LRP6: variants seen among roughly 807,000 people sequenced by gnomAD.
The protein encoded by LRP6 is LDL receptor related protein 6, also known as low-density lipoprotein receptor-related protein 6.
In LRP6, 43 loss-of-function variants were observed where a neutral mutation model predicts 184.1. The observed-to-expected ratio is 0.23, with a 90% CI of 0.18 to 0.30. The LOEUF is 0.30. LRP6 is among the 10% of genes least tolerant of loss of function. The pLI is 1.00. For missense variants in LRP6, 1,571 were observed against 2,005.3 expected (o/e 0.78, Z 4.14); for synonymous variants, 719 against 684.9 (o/e 1.05, Z -0.78).
intron 15 of LRP6, among the ~76,000 whole-genome samples, chr12:12,142,756 A>G (rs1223291128): frequency 2.0e-5 from 3 of 152,190 alleles, no homozygotes; most frequent in Non-Finnish European, 4.4e-5. Context: ...AAAAAAAAGA[A>G]TAATATATCA....
rs911816224 is a variant in LRP6 at position 12,135,391 on chromosome 12, A to T, written c.3608-91T>A. 4.1e-5 allele frequency: 33 copies of T among 799,742 alleles called. No homozygotes were observed. The South Asian group carries it at 5.0e-4, about 12-fold the overall frequency. 49.5% of individuals were successfully genotyped at this position (799,742 alleles called of 1,614,324 possible). On this transcript the variant is annotated intron_variant, in intron 16 of 22. Transcript: ENST00000261349. ...AGAGAAAAAGGGACAACCCTGTCAA[A>T]ACTATTTATGAAAATCAAATGTATA...
intron 1 of LRP6, among the ~76,000 whole-genome samples, chr12:12,265,987 C>T (rs1865746528): frequency 6.6e-6 from 1 of 152,186 alleles, no homozygotes; most frequent in Non-Finnish European, 1.5e-5. Context: ...CTACTTAGTG[C>T]CAACTGTACA....
intron 17 of LRP6, among the ~76,000 whole-genome samples, chr12:12,134,736 C>T (rs1373085268): frequency 6.6e-6 from 1 of 151,956 alleles, no homozygotes; most frequent in Non-Finnish European, 1.5e-5. Context: ...CATTTTTTTA[C>T]CTTTTGGGAG....
chr12:12,248,398 T>G (rs1865240552), intron 1 of LRP6, among the ~76,000 whole-genome samples: 1 of 151,128 alleles, frequency 6.6e-6, no homozygotes, highest in Non-Finnish European at 1.5e-5. Flanking sequence ...TAACTTCCTA[T>G]CCATCACTCA....
chr12:12,240,530 C>T (rs568209566), intron 2 of LRP6, among the ~76,000 whole-genome samples: 1 of 152,058 alleles, frequency 6.6e-6, no homozygotes, highest in African/African-American at 2.4e-5. Flanking sequence ...CAAGATCGCG[C>T]CACTGCACTC....
intron 3 of LRP6, among the ~76,000 whole-genome samples, chr12:12,195,719 T>C (rs978851222): frequency 3.3e-5 from 5 of 152,148 alleles, no homozygotes; most frequent in Non-Finnish European, 5.9e-5. Context: ...TATTTTTTGC[T>C]TTTGTTGCCT....
intron 2 of LRP6, among the ~76,000 whole-genome samples, chr12:12,223,959 T>C (rs1864551489): frequency 6.6e-6 from 1 of 152,188 alleles, no homozygotes; most frequent in Non-Finnish European, 1.5e-5. Context: ...TAACTATACC[T>C]TTATATGAAG....
chr12:12,187,842 A>C (rs778685331), intron 3 of LRP6, among the ~76,000 whole-genome samples: 5 of 152,324 alleles, frequency 3.3e-5, no homozygotes, highest in Non-Finnish European at 7.4e-5. Context: ...CATACTTTTT[A>C]AAAGGAAAAG....
At chr12:12,258,875 C>G (rs925864596) in intron 1 of LRP6, among the ~76,000 whole-genome samples, 1 of 152,138 alleles carries the variant, frequency 6.6e-6, no homozygotes, top group Admixed American at 6.6e-5. Flanking sequence ...AAAACAATGA[C>G]TAAGACCATT....
At chr12:12,184,367 AAATT>A (rs1185013597) in intron 4 of LRP6, among the ~76,000 whole-genome samples, 3 of 100,570 alleles carry the variant, frequency 3.0e-5, no homozygotes, top group African/African-American at 8.5e-5. Flanking sequence ...CAGTTAAACA[AAATT>A]AACAAAAAGC....
At chr12:12,262,648 C>A (rs1162394278) in intron 1 of LRP6, among the ~76,000 whole-genome samples, 2 of 151,362 alleles carry the variant, frequency 1.3e-5, no homozygotes, top group Non-Finnish European at 2.9e-5. Context: ...ATCAAAAATA[C>A]TTCCAGCAGA....
intron 2 of LRP6, among the ~76,000 whole-genome samples, chr12:12,235,223 C>A (rs1434492955): frequency 6.6e-6 from 1 of 152,052 alleles, no homozygotes. Flanking sequence ...ATAATGAGAG[C>A]CAGGTTTCTC....
At chr12:12,142,089 A>T (rs1211633132) in intron 15 of LRP6, among the ~76,000 whole-genome samples, 1 of 152,242 alleles carries the variant, frequency 6.6e-6, no homozygotes, top group Admixed American at 6.5e-5. Flanking sequence ...GTTTATTTTA[A>T]AATAAGTGAA....
intron 2 of LRP6, chr12:12,226,908 G>C (rs1051507439): frequency 1.3e-5 from 2 of 152,098 alleles, no homozygotes; most frequent in African/African-American, 4.8e-5. Context: ...ACAAACTAAT[G>C]TCAGACAGCA....
chr12:12,226,328 G>A (rs1864622371), intron 2 of LRP6, among the ~76,000 whole-genome samples: 2 of 152,188 alleles, frequency 1.3e-5, no homozygotes, highest in Admixed American at 1.3e-4. Flanking sequence ...AAAGCAGTTT[G>A]AAGAGACAGA....
chr12:12,192,178 G>C (rs1019284971), intron 3 of LRP6, among the ~76,000 whole-genome samples: 1 of 151,918 alleles, frequency 6.6e-6, no homozygotes, highest in African/African-American at 2.4e-5. Context: ...GATATACTTA[G>C]AGTAAAATGT....
chr12:12,126,599 G>T, intron 20 of LRP6, 92 bp downstream of exon 20: 1 of 1,006,240 alleles, frequency 9.9e-7, no homozygotes. Flanking sequence ...TATGGTTTCA[G>T]ACAGACTCTA....
chr12:12,229,910 G>C (rs1864736933), intron 2 of LRP6, among the ~76,000 whole-genome samples: 2 of 152,144 alleles, frequency 1.3e-5, no homozygotes, highest in South Asian at 4.1e-4. Context: ...ATATGTACTT[G>C]ATAATGATTA....
At chr12:12,250,150 T>C (rs1303350444) in intron 1 of LRP6, among the ~76,000 whole-genome samples, 1 of 152,246 alleles carries the variant, frequency 6.6e-6, no homozygotes, top group Admixed American at 6.5e-5. Context: ...ACTTTCAGTT[T>C]AGCCAACTCA....
Sources: allele counts gnomAD v4.1 joint callset (sites outside exome capture counted in the v4.1 genomes callset), GRCh38; gene constraint gnomAD v4.1.1; transcripts MANE v1.5; gene names NCBI Gene and HGNC (gene_info 2026-07-23, HGNC 2026-07-21).